Variants in KCNIP1 observed in about 807,000 individuals in gnomAD.
KCNIP1 encodes the protein potassium voltage-gated channel interacting protein 1.
A neutral mutation model predicts 33.0 loss-of-function variants in KCNIP1; 18 were observed. The ratio of observed to expected loss-of-function variants is 0.55; its 90% CI spans 0.38 to 0.81. KCNIP1 has a LOEUF of 0.81. Among genes scored for constraint, KCNIP1 ranks in the 30% least tolerant of loss-of-function variants. The pLI, the probability that KCNIP1 is intolerant of heterozygous loss-of-function variation, is 0.00. For missense variants in KCNIP1, 238 were observed against 271.6 expected (o/e 0.88, Z 0.87); for synonymous variants, 93 against 98.3 (o/e 0.95, Z 0.32).
chr5:170,547,864 T>C (rs1186007502), intron 1 of KCNIP1, among the ~76,000 whole-genome samples: 3 of 152,176 alleles, frequency 2.0e-5, no homozygotes, highest in African/African-American at 4.8e-5. Flanking sequence ...TAGAATAATT[T>C]CCATTCTTTT....
intron 1 of KCNIP1, among the ~76,000 whole-genome samples, chr5:170,634,128 C>T (rs1219701703): frequency 1.3e-5 from 2 of 152,140 alleles, no homozygotes. Flanking sequence ...TTGGTCTGAG[C>T]AGGGTTATTG....
chr5:170,661,411 G>A (rs1581463249), intron 1 of KCNIP1, among the ~76,000 whole-genome samples: 1 of 152,186 alleles, frequency 6.6e-6, no homozygotes, highest in Admixed American at 6.5e-5. Context: ...GTAAAATGAG[G>A]GGGTGATATT....
chr5:170,729,652 A>G (rs1764128997), intron 5 of KCNIP1, among the ~76,000 whole-genome samples: 1 of 152,114 alleles, frequency 6.6e-6, no homozygotes, highest in African/African-American at 2.4e-5. Context: ...AGACCTCACT[A>G]AGAAAGTAAT....
chr5:170,642,345 T>G (rs1034546448), intron 1 of KCNIP1, among the ~76,000 whole-genome samples: 1 of 152,124 alleles, frequency 6.6e-6, no homozygotes, highest in African/African-American at 2.4e-5. Context: ...GGAGTTGGCA[T>G]GTAGTGAGCA....
At chr5:170,494,055 G>A (rs1757263351) in intron 1 of KCNIP1, among the ~76,000 whole-genome samples, 1 of 152,188 alleles carries the variant, frequency 6.6e-6, no homozygotes, top group Non-Finnish European at 1.5e-5. Flanking sequence ...CCCAGGGACT[G>A]GCAGTGTGGG....
Position 170,735,856 on chromosome 5 carries a change from A to G in KCNIP1, c.*50A>G, listed in dbSNP as rs1581563528. 2 of 1,478,912 alleles carry G rather than the reference A, an allele frequency of 1.4e-6. No individual in the cohort carries two copies. Among genetic ancestry groups the G allele is most frequent in the East Asian group, 4.5e-5 (2 of 44,226 alleles). 91.6% of individuals were successfully genotyped at this position (1,478,912 alleles called of 1,614,324 possible). On this transcript the variant is annotated 3_prime_UTR_variant, in exon 8 of 8. Transcript: ENST00000328939. ...CTCAGAGACATTGTACTAAACAACC[A>G]CCTTAACACCCTGATCTGCCCTTGT...
chr5:170,691,479 T>G (rs548449567), intron 1 of KCNIP1, among the ~76,000 whole-genome samples: 2 of 152,226 alleles, frequency 1.3e-5, no homozygotes, highest in African/African-American at 4.8e-5. Flanking sequence ...ATACTTAACT[T>G]TCCTGAGAGT....
At chr5:170,634,223 G>A (rs776830010) in intron 1 of KCNIP1, among the ~76,000 whole-genome samples, 16 of 152,158 alleles carry the variant, frequency 1.1e-4, no homozygotes, top group Non-Finnish European at 2.1e-4. Flanking sequence ...ACTTATGTTC[G>A]GACTTGTTAA....
At position 170,563,778 on chromosome 5, in the gene KCNIP1, T is replaced by A. The variant is rs911571020; in HGVS notation, c.61+59145T>A. On this transcript the variant is annotated intron_variant, in intron 1 of 7. Coordinates refer to ENST00000328939, the MANE Select transcript of KCNIP1 (RefSeq NM_014592.4). ...GCCTCAGCCTCCCAAGTAGCTTGGA[T>A]TACAGGCATGTGCCCCCACACCTGG... Among the ~76,000 whole-genome samples the A allele has an allele frequency of 5.3e-5, 8 of 152,172 alleles. No homozygotes were observed. The South Asian group carries it at 6.2e-4, about 12-fold the overall frequency.
intron 1 of KCNIP1, among the ~76,000 whole-genome samples, chr5:170,698,333 C>T (rs952874403): frequency 4.0e-4 from 61 of 152,192 alleles, no homozygotes; most frequent in African/African-American, 1.4e-3. Context: ...TAACCCAGTT[C>T]TATGTGGCTA....
chr5:170,456,254 A>C (rs1469587758), intron 1 of KCNIP1, among the ~76,000 whole-genome samples: 2 of 152,150 alleles, frequency 1.3e-5, no homozygotes, highest in Non-Finnish European at 2.9e-5. Flanking sequence ...GTGGGAGTTG[A>C]ACAATGAGTA....
intron 1 of KCNIP1, among the ~76,000 whole-genome samples, chr5:170,549,167 C>T (rs1458523497): frequency 2.0e-5 from 3 of 152,156 alleles, no homozygotes; most frequent in Admixed American, 2.0e-4. Context: ...GCTGAAAAAG[C>T]GTATGCTATA....
At chr5:170,446,140 C>T (rs908672919) in intron 1 of KCNIP1, among the ~76,000 whole-genome samples, 1 of 152,124 alleles carries the variant, frequency 6.6e-6, no homozygotes, top group African/African-American at 2.4e-5. Flanking sequence ...CCCTGTAGCT[C>T]GGCCGTCAGT....
At chr5:170,710,725 A>G (rs146251305) in intron 1 of KCNIP1, among the ~76,000 whole-genome samples, 2 of 152,224 alleles carry the variant, frequency 1.3e-5, no homozygotes, top group Non-Finnish European at 2.9e-5. Flanking sequence ...AAGGGATTCC[A>G]CCCCTGCATA....
chr5:170,733,034 T>G, intron 6 of KCNIP1, 130 bp downstream of exon 6: 1 of 585,706 alleles, frequency 1.7e-6, no homozygotes, highest in South Asian at 2.4e-5. Flanking sequence ...AATTATAAGA[T>G]ACATTGTCCT....
chr5:170,692,396 A>C (rs757444278), intron 1 of KCNIP1, among the ~76,000 whole-genome samples: 2 of 152,232 alleles, frequency 1.3e-5, no homozygotes. Context: ...CAAAGAATCA[A>C]TGCTAAGCAG....
rs67130531 is a variant in KCNIP1, at chr5:170,588,996, C to CTTTT, written c.61+84380_61+84383dup. On this transcript the variant is annotated intron_variant, in intron 1 of 7. Transcript: ENST00000328939. ...GGATAAAATGAGCTCATACTTACTT[C>CTTTT]TTTTTTTTTTTTTTTTTTTTGAGAC... 6.4e-4 allele frequency among the ~76,000 whole-genome samples: 75 copies of CTTTT among 117,348 alleles called. 2 individuals carry two copies. The highest frequency in any genetic ancestry group is 1.0e-3 in the East Asian group (4 of 3,984). 77.0% of individuals were successfully genotyped at this position (117,348 alleles called of 152,430 possible).
chr5:170,666,837 G>T (rs981729323), intron 1 of KCNIP1, among the ~76,000 whole-genome samples: 3 of 152,188 alleles, frequency 2.0e-5, no homozygotes, highest in East Asian at 1.9e-4. Context: ...CCAGCAGACC[G>T]CAGGCCAAGA....
intron 1 of KCNIP1, among the ~76,000 whole-genome samples, chr5:170,432,940 TGGTCTAAGCGATCA>T (rs899963255): frequency 1.2e-4 from 19 of 152,274 alleles, no homozygotes; most frequent in Admixed American, 9.8e-4. Flanking sequence ...AAGTGGGGCC[TGGTCTAAGCGATCA>T]GGGAATGTCT....
Sources: allele counts gnomAD v4.1 joint callset (sites outside exome capture counted in the v4.1 genomes callset), GRCh38; gene constraint gnomAD v4.1.1; transcripts MANE v1.5; gene names NCBI Gene and HGNC (gene_info 2026-07-23, HGNC 2026-07-21).